Variants in PCBP2 observed in about 807,000 individuals in gnomAD.
The protein encoded by PCBP2 is poly(rC)-binding protein 2.
In PCBP2, 4 loss-of-function variants were observed where a neutral mutation model predicts 50.1. That is an observed-to-expected ratio of 0.08 (90% CI 0.04 to 0.18). The LOEUF (loss-of-function observed/expected upper bound fraction) is 0.18, where lower values mean the gene tolerates loss of function less well. Among genes scored for constraint, PCBP2 ranks in the 10% least tolerant of loss-of-function variants. The pLI, the probability that PCBP2 is intolerant of heterozygous loss-of-function variation, is 1.00. For synonymous variants in PCBP2, 179 were observed against 168.0 expected (o/e 1.07, Z -0.51); for missense variants, 161 against 474.3 (o/e 0.34, Z 6.14).
intron 1 of PCBP2, chr12:53,453,074 T>C (rs1940698574): frequency 1.3e-5 from 2 of 152,104 alleles, no homozygotes; most frequent in South Asian, 4.1e-4. Flanking sequence ...GCTGGATTGC[T>C]GGAATGGGGT....
intron 6 of PCBP2, chr12:53,460,747 C>T (rs1941397501): frequency 1.9e-5 from 6 of 312,026 alleles, no homozygotes; most frequent in Admixed American, 1.8e-4. Context: ...TGAAAGGCAA[C>T]TATTTAGAAG....
chr12:53,460,443 G>A (rs1415998901), intron 6 of PCBP2: 7 of 286,932 alleles, frequency 2.4e-5, no homozygotes, highest in Non-Finnish European at 5.0e-5. Flanking sequence ...ACTGTGCCTG[G>A]CCCCTACTTC....
At chr12:53,467,374 T>G in intron 11 of PCBP2, 81 bp downstream of exon 11, 1 of 1,187,712 alleles carries the variant, frequency 8.4e-7, no homozygotes, top group Non-Finnish European at 1.3e-6. Context: ...TGACATCTGT[T>G]TAAAACAAAC....
chr12:53,459,778 C>T lies in PCBP2; in HGVS notation c.375+375C>T, dbSNP rs758219159. 10 of 334,972 alleles carry T rather than the reference C, an allele frequency of 3.0e-5. No individual in the cohort carries two copies. The East Asian group carries it at 3.6e-4, about 12-fold the overall frequency. The allele number at this position is 334,972 out of a possible 1,614,324, so 20.7% of individuals were successfully genotyped here. A position where few individuals can be genotyped will look rare whatever the true frequency, so the allele number is the denominator to read the frequency against. On this transcript the variant is annotated intron_variant, in intron 6 of 14. Transcript: ENST00000546463. ...TTAACTTTTTTTCTTTTTTTTGACA[C>T]GGTCTCACTCTGTCTCCCCAGGCTG...
chr12:53,458,163 A>C (rs1163552263), intron 5 of PCBP2, among the ~76,000 whole-genome samples: 1 of 151,748 alleles, frequency 6.6e-6, no homozygotes, highest in Non-Finnish European at 1.5e-5. Flanking sequence ...TCCTGACCTC[A>C]GTGATCCACC....
intron 13 of PCBP2, 84 bp downstream of exon 13, chr12:53,468,916 C>CT: frequency 5.9e-6 from 5 of 841,358 alleles, no homozygotes; most frequent in East Asian, 2.8e-5. Context: ...GTCCTGCTAC[C>CT]CTTTTTTTTT....
chr12:53,474,524 GTGAT>G (rs3832827), intron 14 of PCBP2, among the ~76,000 whole-genome samples: 14,622 of 152,228 alleles, frequency 0.096, 950 homozygotes, highest in Non-Finnish European at 0.15. Context: ...TCCTTGTTGG[GTGAT>G]TGATGAGTAT....
chr12:53,470,763 T>G (rs1038235552), intron 13 of PCBP2, among the ~76,000 whole-genome samples: 2 of 151,202 alleles, frequency 1.3e-5, no homozygotes, highest in African/African-American at 4.9e-5. Context: ...CCAGTTTTTT[T>G]TTTTTTTTTT....
At chr12:53,460,457 T>C in intron 6 of PCBP2, 1 of 270,564 alleles carries the variant, frequency 3.7e-6, no homozygotes, top group Non-Finnish European at 7.6e-6. Flanking sequence ...CTACTTCCTG[T>C]TTAACTATGG....
intron 8 of PCBP2, 196 bp from the exon 9 acceptor site, chr12:53,464,564 A>AT: frequency 1.6e-6 from 1 of 633,050 alleles, no homozygotes; most frequent in East Asian, 3.2e-5. Flanking sequence ...AAATAGCCCA[A>AT]TTGTGCAGTG....
chr12:53,455,084 A>G (rs1281128788), intron 2 of PCBP2, among the ~76,000 whole-genome samples: 1 of 152,206 alleles, frequency 6.6e-6, no homozygotes, highest in African/African-American at 2.4e-5. Context: ...GGCTGGAGCC[A>G]AAAACTCTCC....
At chr12:53,468,914 A>AC (rs1413484760) in intron 13 of PCBP2, 82 bp downstream of exon 13, 16 of 785,504 alleles carry the variant, frequency 2.0e-5, no homozygotes, top group African/African-American at 4.7e-5. Flanking sequence ...GTGTCCTGCT[A>AC]CCCTTTTTTT....
At position 53,461,159 on chromosome 12, in the gene PCBP2, C is replaced by T. The variant is rs1206098087; in HGVS notation, c.504+16C>T. ...CATGTTGGAGGTAAGCCCTCAGGCT[C>T]ATGCTGAAAATGGGGGGAGGGCCAT... On this transcript the variant is annotated intron_variant, in intron 7 of 14. Coordinates refer to ENST00000546463, the MANE Select transcript of PCBP2 (RefSeq NM_031989.5). 3 of 1,613,122 alleles carry T rather than the reference C, an allele frequency of 1.9e-6. No individual in the cohort carries two copies. The highest frequency in any genetic ancestry group is 1.1e-5 in the South Asian group (1 of 91,028).
chr12:53,453,809 T>C (rs1940768572), intron 1 of PCBP2, among the ~76,000 whole-genome samples: 1 of 152,206 alleles, frequency 6.6e-6, no homozygotes, highest in Non-Finnish European at 1.5e-5. Flanking sequence ...AACTAGTTAC[T>C]CTAAAGCAGA....
chr12:53,465,387 C>T (rs1408708557), intron 9 of PCBP2, among the ~76,000 whole-genome samples: 2 of 151,968 alleles, frequency 1.3e-5, no homozygotes, highest in African/African-American at 2.4e-5. Context: ...TTTTTGTTTA[C>T]CTGTGATCAG....
Position 53,459,489 on chromosome 12 carries a change from GA to G in PCBP2, c.375+87del, listed in dbSNP as rs1345349627. 2.4e-6 allele frequency: 3 copies of G among 1,242,532 alleles called. No homozygotes were observed. The African/African-American group carries it at 4.5e-5, about 19-fold the overall frequency. The allele number at this position is 1,242,532 out of a possible 1,614,324, so 77.0% of individuals were successfully genotyped here. On this transcript the variant is annotated intron_variant, in intron 6 of 14. Transcript: ENST00000546463. ...TATGGCTAGGAAAAGTTAGCAATGA[GA>G]TGAAGATTTTTATTGAAGTAACAGT...
At chr12:53,460,438 G>T (rs1425848293) in intron 6 of PCBP2, 5 of 296,294 alleles carry the variant, frequency 1.7e-5, no homozygotes, top group South Asian at 1.3e-4. Flanking sequence ...GAGCCACTGT[G>T]CCTGGCCCCT....
In PCBP2 at chr12:53,481,121, A is replaced by G. The variant is rs902467015; in HGVS notation, c.*1679A>G. 4.9e-6 allele frequency: 3 copies of G among 612,620 alleles called. No individual in the cohort carries two copies. Among genetic ancestry groups the G allele is most frequent in the Non-Finnish European group, 6.7e-6 (3 of 449,086 alleles). The allele number at this position is 612,620 out of a possible 1,614,324, so 37.9% of individuals were successfully genotyped here. A position where few individuals can be genotyped will look rare whatever the true frequency, so the allele number is the denominator to read the frequency against. On this transcript the variant is annotated 3_prime_UTR_variant, in exon 15 of 15. Transcript: ENST00000546463. ...GATTATGTGGCGCATATATATATAT[A>G]TATGTATATATATATAATTTATATA...
In PCBP2 at chr12:53,463,517, T is replaced by C. The variant is rs555428924; in HGVS notation, c.579+950T>C. ...GTATAACAAGTATTTACATAGTATT[T>C]ACATTGTATTAGGTATTATAAGTAA... is the stretch of plus-strand genomic sequence containing the variant. On this transcript the variant is annotated intron_variant, in intron 8 of 14. Transcript: ENST00000546463. Among the ~76,000 whole-genome samples, 5 of 152,264 alleles carry C rather than the reference T, an allele frequency of 3.3e-5. No individual in the cohort carries two copies. The South Asian group carries it at 1.0e-3, about 32-fold the overall frequency.
Sources: allele counts gnomAD v4.1 joint callset (sites outside exome capture counted in the v4.1 genomes callset), GRCh38; gene constraint gnomAD v4.1.1; transcripts MANE v1.5; gene names NCBI Gene and HGNC (gene_info 2026-07-23, HGNC 2026-07-21).